EXOC2: variants seen among roughly 807,000 people sequenced by gnomAD.
The protein encoded by EXOC2 is SEC5-like 1.
EXOC2 carries 70 observed loss-of-function variants against 131.8 expected under a neutral mutation model. That is an observed-to-expected ratio of 0.53 (90% CI 0.44 to 0.65). The LOEUF (loss-of-function observed/expected upper bound fraction) is 0.65. Among genes scored for constraint, EXOC2 ranks in the 30% least tolerant of loss-of-function variants. EXOC2 has a pLI of 0.00. For missense variants in EXOC2, 923 were observed against 1,108.6 expected, an observed-to-expected ratio of 0.83 and a Z score of 2.38; for synonymous variants, 411 against 398.4, an observed-to-expected ratio of 1.03 and a Z score of -0.38.
intron 23 of EXOC2, among the ~76,000 whole-genome samples, chr6:507,563 C>A (rs796571834): frequency 6.6e-6 from 1 of 152,094 alleles, no homozygotes. Flanking sequence ...AAAGAGAGGG[C>A]TTTTGCTTGA....
At chr6:548,162 C>T (rs1476909669) in intron 22 of EXOC2, among the ~76,000 whole-genome samples, 4 of 152,136 alleles carry the variant, frequency 2.6e-5, no homozygotes, top group Non-Finnish European at 5.9e-5. Context: ...GCCCCAAAGG[C>T]TTAAGTCACG....
At chr6:529,892 T>C (rs1765975000) in intron 23 of EXOC2, among the ~76,000 whole-genome samples, 1 of 152,254 alleles carries the variant, frequency 6.6e-6, no homozygotes. Context: ...TTAACAAAAT[T>C]CATTTTAACT....
At chr6:664,807 T>C (rs967692267) in intron 1 of EXOC2, among the ~76,000 whole-genome samples, 15 of 152,230 alleles carry the variant, frequency 9.9e-5, no homozygotes, top group African/African-American at 3.6e-4. Flanking sequence ...ATTAAGGACT[T>C]AAACCTAAGA....
In EXOC2 at chr6:499,714, A is replaced by G; in HGVS notation, c.2381-14T>C. The G allele has an allele frequency of 1.9e-6, 3 of 1,610,798 alleles. No individual in the cohort carries two copies. The highest frequency in any genetic ancestry group is 1.1e-5 in the South Asian group (1 of 90,958). On this transcript the variant is annotated splice_polypyrimidine_tract_variant and intron_variant, in intron 23 of 27. Transcript: ENST00000230449. ...AGTTTCTGACACCTGAAATTGAAAT[A>G]AAGGAGAGAAAGAAGGCATTAATAA...
chr6:597,123 C>T (rs564875605), intron 10 of EXOC2, among the ~76,000 whole-genome samples: 30 of 152,282 alleles, frequency 2.0e-4, no homozygotes, highest in African/African-American at 7.2e-4. Context: ...GATACTGTTT[C>T]TCTCTAAGGC....
intron 12 of EXOC2, among the ~76,000 whole-genome samples, chr6:574,821 G>A (rs1438621111): frequency 6.6e-6 from 1 of 152,230 alleles, no homozygotes; most frequent in Non-Finnish European, 1.5e-5. Flanking sequence ...ACACCATGAT[G>A]GTAATCTGAG....
At chr6:620,859 G>A (rs1278689581) in intron 4 of EXOC2, among the ~76,000 whole-genome samples, 2 of 152,234 alleles carry the variant, frequency 1.3e-5, no homozygotes, top group South Asian at 2.1e-4. Flanking sequence ...AGAATGGAAT[G>A]TCCTTCGGGG....
chr6:564,009 C>A, intron 16 of EXOC2, 24 bp downstream of exon 16: 1 of 1,610,496 alleles, frequency 6.2e-7, no homozygotes, highest in Non-Finnish European at 8.5e-7. Flanking sequence ...GCACAGTGAA[C>A]GTCACCGATT....
chr6:606,505 T>C (rs909725176), intron 7 of EXOC2, among the ~76,000 whole-genome samples: 7 of 152,264 alleles, frequency 4.6e-5, no homozygotes, highest in Admixed American at 2.6e-4. Context: ...TATTTCTTTG[T>C]AGAAAAACTT....
chr6:529,105 G>A (rs930728652), intron 23 of EXOC2, among the ~76,000 whole-genome samples: 2 of 117,704 alleles, frequency 1.7e-5, no homozygotes, highest in Non-Finnish European at 1.8e-5. Context: ...GCCCGGCATC[G>A]CCTGCCTTTT....
At chr6:594,246 T>C (rs896802896) in intron 10 of EXOC2, among the ~76,000 whole-genome samples, 1 of 152,204 alleles carries the variant, frequency 6.6e-6, no homozygotes, top group Admixed American at 6.5e-5. Flanking sequence ...GATTCCAAAA[T>C]GCAGTCTGAT....
In EXOC2 at chr6:617,700, G is replaced by T; in HGVS notation, c.661+11C>A. ...GAAGCTGCCAGCAGATGGCTCTGAG[G>T]ATCGCCTTACCTGAGAGGGCATCCT... On this transcript the variant is annotated intron_variant, in intron 6 of 27. Coordinates refer to ENST00000230449, the MANE Select transcript of EXOC2 (RefSeq NM_018303.6). 6.2e-7 allele frequency: 1 copy of T among 1,609,602 alleles called. No individual in the cohort carries two copies. Among genetic ancestry groups the T allele is most frequent in the Non-Finnish European group, 8.5e-7 (1 of 1,177,724 alleles).
chr6:564,636 T>C lies in EXOC2; in HGVS notation c.1576A>G (p.Ile526Val). The C allele has an allele frequency of 6.2e-7, 1 of 1,612,576 alleles. No individual in the cohort carries two copies. Among genetic ancestry groups the C allele is most frequent in the South Asian group, 1.1e-5 (1 of 90,704 alleles). Residue 526 changes from isoleucine (I) to valine (V), a missense_variant, in exon 15 of 28, where the codon ATC becomes GTC. By Grantham distance (29) the Ile-to-Val change is conservative. Transcript: ENST00000230449. ...TACTGCTTGGCTTCCCCATCCCGGATGCTGAGGGGAAGCAGGGCTCCGCGG... is the reference window on the plus strand; with the variant it reads ...TACTGCTTGGCTTCCCCATCCCGGACGCTGAGGGGAAGCAGGGCTCCGCGG... ...LTRGALLPLSIRDGEAKQYGG... is the reference protein window; with the variant it reads ...LTRGALLPLSVRDGEAKQYGG...
intron 1 of EXOC2, among the ~76,000 whole-genome samples, chr6:641,695 CCT>C (rs1386208831): frequency 1.3e-5 from 2 of 152,234 alleles, no homozygotes; most frequent in East Asian, 3.9e-4. Context: ...TCTGGCACCC[CCT>C]GAATCAAATA....
chr6:598,825 AAGG>A, intron 9 of EXOC2, 32 bp downstream of exon 9: 1 of 1,515,394 alleles, frequency 6.6e-7, no homozygotes, highest in Non-Finnish European at 9.0e-7. Context: ...TATAAAAGGA[AAGG>A]AGAAGATCTA....
intron 6 of EXOC2, among the ~76,000 whole-genome samples, chr6:611,313 T>TGGCACCCACTGCAGCTGCACCGAGTG (rs1477860617): frequency 2.0e-5 from 3 of 152,242 alleles, no homozygotes; most frequent in Admixed American, 6.5e-5. Context: ...GAAGGACACC[T>TGGCACCCACTGCAGCTGCACCGAGTG]GGCACCCACT....
intron 23 of EXOC2, among the ~76,000 whole-genome samples, chr6:531,391 G>GAAAAGTGTGTGCACAGA (rs113779708): frequency 7.6e-6 from 1 of 130,768 alleles, no homozygotes; most frequent in Non-Finnish European, 1.6e-5. Context: ...TTTGGGCACA[G>GAAAAGTGTGTGCACAGA]AAAGTGTGTG....
At chr6:598,807 A>G in intron 9 of EXOC2, 53 bp downstream of exon 9, 4 of 1,422,322 alleles carry the variant, frequency 2.8e-6, no homozygotes, top group Non-Finnish European at 2.9e-6. Flanking sequence ...CACATTCCAC[A>G]TTCTTCCTAT....
intron 20 of EXOC2, 149 bp downstream of exon 20, chr6:555,078 G>A (rs550229878): frequency 1.6e-4 from 67 of 424,204 alleles, no homozygotes; most frequent in African/African-American, 1.2e-3. Context: ...AAAGAATATA[G>A]GTCGAATATA....
Sources: allele counts gnomAD v4.1 joint callset (sites outside exome capture counted in the v4.1 genomes callset), GRCh38; gene constraint gnomAD v4.1.1; transcripts MANE v1.5; gene names NCBI Gene and HGNC (gene_info 2026-07-23, HGNC 2026-07-21).